The following TRIM24 variants were observed in gnomAD, a reference collection of about 807,000 sequenced individuals.
TRIM24 encodes tripartite motif containing 24, also known as transcription intermediary factor 1-alpha.
A neutral mutation model predicts 123.9 loss-of-function variants in TRIM24; 29 were observed. The ratio of observed to expected loss-of-function variants is 0.23; its 90% CI spans 0.17 to 0.32. The LOEUF (loss-of-function observed/expected upper bound fraction) is 0.32, where lower values mean the gene tolerates loss of function less well. Ranked by LOEUF, TRIM24 falls within the 10% of genes least tolerant of loss-of-function variation. The pLI is 1.00. For synonymous variants in TRIM24, 456 were observed against 461.1 expected (o/e 0.99, Z 0.14); for missense variants, 932 against 1,295.3 (o/e 0.72, Z 4.31).
At chr7:138,523,699 C>T (rs984202056) in intron 4 of TRIM24, among the ~76,000 whole-genome samples, 1 of 133,502 alleles carries the variant, frequency 7.5e-6, no homozygotes, top group Non-Finnish European at 1.5e-5. Flanking sequence ...TCCAGTGAGC[C>T]GAGATGGGGC....
At chr7:138,468,266 G>A (rs1795194943) in intron 1 of TRIM24, among the ~76,000 whole-genome samples, 1 of 152,126 alleles carries the variant, frequency 6.6e-6, no homozygotes, top group Non-Finnish European at 1.5e-5. Context: ...CATGCAATTT[G>A]TCTCCTTTTT....
chr7:138,480,109 G>A (rs1026440376), intron 1 of TRIM24, among the ~76,000 whole-genome samples: 8 of 138,332 alleles, frequency 5.8e-5, no homozygotes, highest in African/African-American at 2.2e-4. Context: ...GTAAGCCACC[G>A]CACCCGGGCC....
In TRIM24 at chr7:138,460,308, C is replaced by T. The variant is rs1008878636; in HGVS notation, c.-241C>T. 1 of 396,954 alleles carries T rather than the reference C, an allele frequency of 2.5e-6. No individual in the cohort carries two copies. The highest frequency in any genetic ancestry group is 2.1e-5 in the African/African-American group (1 of 48,218). The allele number at this position is 396,954 out of a possible 1,614,324, so 24.6% of individuals were successfully genotyped here. A position where few individuals can be genotyped will look rare whatever the true frequency, so the allele number is the denominator to read the frequency against. On this transcript the variant is annotated 5_prime_UTR_variant, in exon 1 of 19. Coordinates refer to ENST00000343526, the MANE Select transcript of TRIM24 (RefSeq NM_015905.3). Reference sequence around the variant, plus strand: ...TGGCGAAGCGGACGGGGTGCAGCCTCCCCGGTGCGAGGAACGGTCTCCGCT... The same window carrying T: ...TGGCGAAGCGGACGGGGTGCAGCCTTCCCGGTGCGAGGAACGGTCTCCGCT...
At chr7:138,475,691 G>T (rs1474373130) in intron 1 of TRIM24, among the ~76,000 whole-genome samples, 1 of 152,094 alleles carries the variant, frequency 6.6e-6, no homozygotes, top group Non-Finnish European at 1.5e-5. Flanking sequence ...TGGTATTCTT[G>T]GTAGAGATGA....
At chr7:138,491,186 C>A in intron 1 of TRIM24, 3 of 258,068 alleles carry the variant, frequency 1.2e-5, no homozygotes, top group South Asian at 5.2e-5. Context: ...ACACATAACC[C>A]TTGAGACCAT....
chr7:138,553,275 A>G (rs1043360083), intron 8 of TRIM24, among the ~76,000 whole-genome samples: 4 of 152,182 alleles, frequency 2.6e-5, no homozygotes, highest in African/African-American at 9.6e-5. Flanking sequence ...GAAACATATA[A>G]AAGCGCTAGG....
At chr7:138,567,761 C>A in intron 10 of TRIM24, 107 bp downstream of exon 10, 1 of 1,146,616 alleles carries the variant, frequency 8.7e-7, no homozygotes. Context: ...CAAGAGCAAG[C>A]CTTCTTTTTC....
chr7:138,555,781 C>A (rs760071754), intron 9 of TRIM24, among the ~76,000 whole-genome samples: 1 of 151,996 alleles, frequency 6.6e-6, no homozygotes, highest in Non-Finnish European at 1.5e-5. Flanking sequence ...TGTGCCCAGC[C>A]CCTAATTTTA....
chr7:138,482,157 AATTT>A, intron 1 of TRIM24, among the ~76,000 whole-genome samples: 1 of 152,108 alleles, frequency 6.6e-6, no homozygotes, highest in South Asian at 2.1e-4. Flanking sequence ...TATGTTGCCC[AATTT>A]GGTCTCGTAC....
chr7:138,487,391 G>A (rs191226528), intron 1 of TRIM24, among the ~76,000 whole-genome samples: 2 of 152,316 alleles, frequency 1.3e-5, no homozygotes, highest in Admixed American at 6.5e-5. Flanking sequence ...CAGGAGTGGT[G>A]AGAGAGGGCA....
At position 138,586,693 on chromosome 7, in the gene TRIM24, T is replaced by A. The variant is rs1033231600; in HGVS notation, c.*1742T>A. The A allele has an allele frequency of 3.9e-5, 6 of 152,238 alleles. No homozygotes were observed. Among genetic ancestry groups the A allele is most frequent in the Non-Finnish European group, 7.3e-5 (5 of 68,034 alleles). The allele number at this position is 152,238 out of a possible 1,614,324, so 9.4% of individuals were successfully genotyped here. ...GATTTTGATAACAGTGCATACACCT[T>A]TTGTCTTTTTTTGCTCCAGCATTTT... On this transcript the variant is annotated 3_prime_UTR_variant, in exon 19 of 19. Transcript: ENST00000343526.
Position 138,585,465 on chromosome 7 carries a change from CAA to C in TRIM24, c.*515_*516del, listed in dbSNP as rs1455834071. The C allele has an allele frequency of 3.3e-6, 1 of 299,164 alleles. No homozygotes were observed. The highest frequency in any genetic ancestry group is 6.6e-5 in the East Asian group (1 of 15,086). The allele number at this position is 299,164 out of a possible 1,614,324, so 18.5% of individuals were successfully genotyped here. On this transcript the variant is annotated 3_prime_UTR_variant, in exon 19 of 19. Coordinates refer to ENST00000343526, the MANE Select transcript of TRIM24 (RefSeq NM_015905.3). ...AGTACTCCACAAACATGGGTGGTAA[CAA>C]GAGTTCCATCCCAGGAGGCCAAACG...
chr7:138,475,977 A>T (rs1563024067), intron 1 of TRIM24, among the ~76,000 whole-genome samples: 1 of 152,186 alleles, frequency 6.6e-6, no homozygotes. Context: ...GACACATTAT[A>T]AATAATGCTA....
At chr7:138,541,303 A>G (rs912462293) in intron 7 of TRIM24, among the ~76,000 whole-genome samples, 1 of 152,108 alleles carries the variant, frequency 6.6e-6, no homozygotes, top group Non-Finnish European at 1.5e-5. Context: ...AGAAAAAAAA[A>G]GACATGAGAA....
At chr7:138,463,043 G>GGTTT (rs1368069679) in intron 1 of TRIM24, among the ~76,000 whole-genome samples, 1 of 60,132 alleles carries the variant, frequency 1.7e-5, no homozygotes, top group Non-Finnish European at 2.8e-5. Flanking sequence ...CTAATTTTGT[G>GGTTT]TTTTTTTTTT....
chr7:138,515,678 G>T (rs946015569), intron 3 of TRIM24, among the ~76,000 whole-genome samples: 1 of 152,050 alleles, frequency 6.6e-6, no homozygotes, highest in Non-Finnish European at 1.5e-5. Flanking sequence ...CAAAGAGTGG[G>T]CTTAAATATT....
At chr7:138,528,703 T>G (rs544079205) in intron 5 of TRIM24, among the ~76,000 whole-genome samples, 3 of 152,102 alleles carry the variant, frequency 2.0e-5, no homozygotes, top group East Asian at 3.9e-4. Flanking sequence ...ATATACACTT[T>G]TCTAGCTTTC....
Position 138,495,565 on chromosome 7 carries a change from C to T in TRIM24, c.365-8725C>T, listed in dbSNP as rs529364269. 6.6e-5 allele frequency among the ~76,000 whole-genome samples: 10 copies of T among 151,922 alleles called. No individual in the cohort carries two copies. The South Asian group carries it at 2.1e-3, about 32-fold the overall frequency. On this transcript the variant is annotated intron_variant, in intron 1 of 18. Transcript: ENST00000343526. ...CATCCTTTTTTCTTTGTATTTAAGG[C>T]TTCTCTTTGTCTTTGATTTCTGCAG...
chr7:138,489,230 C>T (rs149712435), intron 1 of TRIM24, among the ~76,000 whole-genome samples: 1,806 of 152,248 alleles, frequency 0.012, 39 homozygotes, highest in African/African-American at 0.041. Flanking sequence ...TTATTTTGAG[C>T]CTATGTGTGT....
Sources: gnomAD v4.1 joint callset for allele counts (sites outside exome capture counted in the v4.1 genomes callset) on GRCh38, gnomAD v4.1.1 for gene constraint, MANE v1.5 for transcripts, NCBI Gene and HGNC (gene_info 2026-07-23, HGNC 2026-07-21) for gene names.